Variants in FRMPD4 observed in about 807,000 individuals in gnomAD.
The protein encoded by FRMPD4 is FERM and PDZ domain containing 4, also known as FERM and PDZ domain-containing protein 4.
In FRMPD4, 22 loss-of-function variants were observed where a neutral mutation model predicts 94.1. That is an observed-to-expected ratio of 0.23 (90% CI 0.17 to 0.33). The LOEUF (loss-of-function observed/expected upper bound fraction) is 0.33, where lower values mean the gene tolerates loss of function less well. Ranked by LOEUF, FRMPD4 falls within the 10% of genes least tolerant of loss-of-function variation. The pLI is 1.00. For synonymous variants in FRMPD4, 631 were observed against 548.6 expected (o/e 1.15, Z -2.10); for missense variants, 1,111 against 1,339.9 (o/e 0.83, Z 2.67).
chrX:12,582,911 G>A (rs1457718427), intron 2 of FRMPD4, among the ~76,000 whole-genome samples: 1 of 111,786 alleles, frequency 8.9e-6, no homozygotes, highest in Non-Finnish European at 1.9e-5. Context: ...CTTTTTAACT[G>A]GATTCTTACT....
At chrX:12,062,108 C>T (rs1318046995) in intron 3 of FRMPD4, among the ~76,000 whole-genome samples, 2 of 111,888 alleles carry the variant, frequency 1.8e-5, no homozygotes, top group African/African-American at 6.5e-5. Flanking sequence ...TTCCTGGCCT[C>T]CTCCTGCCCT....
At chrX:12,334,057 A>G (rs1197086726) in intron 1 of FRMPD4, among the ~76,000 whole-genome samples, 1 of 111,673 alleles carries the variant, frequency 9.0e-6, no homozygotes, top group East Asian at 2.8e-4. Flanking sequence ...TGTACTGTGC[A>G]GTCATATACT....
chrX:12,655,613 CTTAAAT>C (rs1689706771), intron 4 of FRMPD4, among the ~76,000 whole-genome samples: 2 of 112,124 alleles, frequency 1.8e-5, no homozygotes. Context: ...GTTTAGTGAA[CTTAAAT>C]TTAAACAGCC....
chrX:12,527,474 G>A (rs1168886112), intron 2 of FRMPD4, among the ~76,000 whole-genome samples: 1 of 102,416 alleles, frequency 9.8e-6, no homozygotes, highest in African/African-American at 3.6e-5. Flanking sequence ...CAACAGCAGA[G>A]ATCTGAGTTA....
chrX:12,378,315 G>A (rs996997654), intron 1 of FRMPD4, among the ~76,000 whole-genome samples: 7 of 112,608 alleles, frequency 6.2e-5, no homozygotes, highest in African/African-American at 1.6e-4. Flanking sequence ...TAAGGACAGC[G>A]AGCCTGTAGA....
intron 1 of FRMPD4, among the ~76,000 whole-genome samples, chrX:12,429,529 C>T (rs983037980): frequency 8.9e-6 from 1 of 111,812 alleles, no homozygotes; most frequent in East Asian, 2.8e-4. Flanking sequence ...CTTTCTCCTC[C>T]GTGCTAACTT....
At chrX:12,621,384 C>T (rs1237061694) in intron 4 of FRMPD4, among the ~76,000 whole-genome samples, 12 of 110,932 alleles carry the variant, frequency 1.1e-4, no homozygotes, top group Non-Finnish European at 3.8e-5. Flanking sequence ...CAATAAGCAG[C>T]CCCTAAGATA....
chrX:12,549,468 C>T (rs758698029), intron 2 of FRMPD4, among the ~76,000 whole-genome samples: 11 of 112,540 alleles, frequency 9.8e-5, no homozygotes, highest in Non-Finnish European at 2.1e-4. Flanking sequence ...CATTTACATT[C>T]TATAGCTGAA....
At chrX:12,608,276 A>G (rs2059149452) in intron 2 of FRMPD4, among the ~76,000 whole-genome samples, 1 of 112,992 alleles carries the variant, frequency 8.9e-6, no homozygotes, top group South Asian at 3.6e-4. Flanking sequence ...CCTTAGTGAC[A>G]ATAAACTAGT....
chrX:12,107,447 G>GA (rs1367585894), intron 3 of FRMPD4, among the ~76,000 whole-genome samples: 1 of 111,862 alleles, frequency 8.9e-6, no homozygotes, highest in Non-Finnish European at 1.9e-5. Context: ...CAAAGATGGG[G>GA]AAAAAACAGA....
chrX:12,219,961 G>A (rs1365898767), intron 1 of FRMPD4, among the ~76,000 whole-genome samples: 1 of 111,843 alleles, frequency 8.9e-6, no homozygotes, highest in Non-Finnish European at 1.9e-5. Flanking sequence ...GACCAACATG[G>A]AGAAACCCTG....
chrX:12,529,893 T>C (rs2058266320), intron 2 of FRMPD4, among the ~76,000 whole-genome samples: 1 of 101,100 alleles, frequency 9.9e-6, no homozygotes, highest in Admixed American at 1.1e-4. Context: ...CTTATAGATG[T>C]GTACTCATAT....
intron 1 of FRMPD4, 25 bp from the exon 2 acceptor site, chrX:12,498,655 A>G (rs1169564985): frequency 2.4e-6 from 2 of 841,430 alleles, no homozygotes; most frequent in Non-Finnish European, 3.5e-6. Flanking sequence ...AGGTGTAATG[A>G]TGCTTTTTTT....
intron 2 of FRMPD4, among the ~76,000 whole-genome samples, chrX:12,576,814 GGTAGA>G (rs1440415319): frequency 1.8e-5 from 2 of 111,778 alleles, no homozygotes; most frequent in Admixed American, 1.9e-4. Context: ...GATCATTGAG[GGTAGA>G]GTATTCACCA....
intron 3 of FRMPD4, among the ~76,000 whole-genome samples, chrX:11,889,864 G>A (rs1415866970): frequency 8.9e-6 from 1 of 112,135 alleles, no homozygotes; most frequent in Admixed American, 9.5e-5. Context: ...CAGCACTCTA[G>A]CCTGAGCTTC....
At chrX:11,844,108 C>A (rs1271950550) in intron 1 of FRMPD4, among the ~76,000 whole-genome samples, 3 of 107,172 alleles carry the variant, frequency 2.8e-5, no homozygotes, top group Non-Finnish European at 5.8e-5. Flanking sequence ...GTGCCTCAGC[C>A]TCCCGAGTAG....
At chrX:12,680,014 A>G (rs1218500484) in intron 5 of FRMPD4, among the ~76,000 whole-genome samples, 1 of 111,952 alleles carries the variant, frequency 8.9e-6, no homozygotes, top group Non-Finnish European at 1.9e-5. Context: ...ATGTTCACTC[A>G]ATACCTGCTA....
intron 1 of FRMPD4, among the ~76,000 whole-genome samples, chrX:12,445,541 A>AC (rs959692458): frequency 8.9e-6 from 1 of 112,679 alleles, no homozygotes; most frequent in African/African-American, 3.2e-5. Flanking sequence ...CCTTTTGCTT[A>AC]CATTCTCTCT....
chrX:12,505,885 T>C (rs2057979349), intron 2 of FRMPD4, among the ~76,000 whole-genome samples: 1 of 111,967 alleles, frequency 8.9e-6, no homozygotes, highest in South Asian at 3.8e-4. Flanking sequence ...AGCCTTGTTA[T>C]CAATGGCCAA....
Sources: allele counts gnomAD v4.1 joint callset (sites outside exome capture counted in the v4.1 genomes callset), GRCh38; gene constraint gnomAD v4.1.1; transcripts MANE v1.5; gene names NCBI Gene and HGNC (gene_info 2026-07-23, HGNC 2026-07-21).